Variants in CLIP4 observed in about 807,000 individuals in gnomAD.
The protein encoded by CLIP4 is CAP-Gly domain containing linker protein family member 4.
Under a neutral mutation model 73.1 loss-of-function variants are expected in CLIP4, and 47 were observed. That is an observed-to-expected ratio of 0.64 (90% CI 0.51 to 0.82). The LOEUF (loss-of-function observed/expected upper bound fraction) is 0.82. CLIP4 is among the 40% of genes least tolerant of loss of function. CLIP4 has a pLI of 0.00. For missense variants in CLIP4, 874 were observed against 852.9 expected (o/e 1.02, Z -0.31); for synonymous variants, 306 against 295.4 (o/e 1.04, Z -0.37).
intron 6 of CLIP4, among the ~76,000 whole-genome samples, chr2:29,142,151 C>T (rs1045181592): frequency 6.6e-6 from 1 of 152,064 alleles, no homozygotes. Flanking sequence ...TCTTTTGTTT[C>T]CATGTGTAGA....
chr2:29,111,369 G>A (rs1405968348), upstream of CLIP4, among the ~76,000 whole-genome samples: 1 of 152,202 alleles, frequency 6.6e-6, no homozygotes, highest in Non-Finnish European at 1.5e-5. Flanking sequence ...ACTGGTAGCT[G>A]GAAACTGGCA....
chr2:29,154,858 A>G (rs1572977377), intron 9 of CLIP4, among the ~76,000 whole-genome samples: 1 of 152,124 alleles, frequency 6.6e-6, no homozygotes, highest in African/African-American at 2.4e-5. Context: ...TCAGAACCAC[A>G]GTGCACAGAG....
At chr2:29,121,116 T>G (rs1416472596) in intron 1 of CLIP4, among the ~76,000 whole-genome samples, 1 of 152,172 alleles carries the variant, frequency 6.6e-6, no homozygotes, top group Non-Finnish European at 1.5e-5. Flanking sequence ...TAAAGTGTTT[T>G]CACCTATTTT....
chr2:29,115,129 A>C (rs982781742), upstream of CLIP4: 3 of 152,296 alleles, frequency 2.0e-5, no homozygotes, highest in Non-Finnish European at 4.4e-5. The surrounding 1 kb of genome is among the most constrained non-coding windows in gnomAD (Gnocchi z 5.1). Context: ...GCTCGGCTGG[A>C]CTCTGGGGAG....
chr2:29,132,058 A>T, intron 3 of CLIP4, 94 bp from the exon 4 acceptor site: 2 of 831,102 alleles, frequency 2.4e-6, no homozygotes. Context: ...AGTAATTCAG[A>T]TACGATAGAC....
At position 29,133,594 on chromosome 2, in the gene CLIP4, A is replaced by G. The variant is rs543692505; in HGVS notation, c.368-61A>G. The G allele has an allele frequency of 4.7e-6, 7 of 1,501,750 alleles. No homozygotes were observed. In the African/African-American group the frequency reaches 9.8e-5, roughly 21 times the overall value. 93.0% of individuals were successfully genotyped at this position (1,501,750 alleles called of 1,614,324 possible). ...TGGCTTTTTAAATGAGGCAATTGGT[A>G]GCCATCCATTGGAACTTAAAATTTG... On this transcript the variant is annotated intron_variant, in intron 4 of 15. Coordinates refer to ENST00000320081, the MANE Select transcript of CLIP4 (RefSeq NM_024692.6).
chr2:29,159,682 TTAAAAAAA>T (rs1415224061), intron 11 of CLIP4, among the ~76,000 whole-genome samples: 1 of 78,068 alleles, frequency 1.3e-5, no homozygotes, highest in Admixed American at 1.4e-4. Context: ...CCCTGTTTCT[TTAAAAAAA>T]AAAAAAAAAA....
At chr2:29,169,540 G>A (rs1558579323) in intron 14 of CLIP4, among the ~76,000 whole-genome samples, 1 of 152,090 alleles carries the variant, frequency 6.6e-6, no homozygotes, top group Non-Finnish European at 1.5e-5. Flanking sequence ...CAGCATATGA[G>A]TTTTTGGGGT....
Position 29,133,827 on chromosome 2 carries a change from T to C in CLIP4, c.529+11T>C, listed in dbSNP as rs755295821. On this transcript the variant is annotated intron_variant, in intron 5 of 15. Coordinates refer to ENST00000320081, the MANE Select transcript of CLIP4 (RefSeq NM_024692.6). Reference sequence around the variant, plus strand: ...CATCGAAACCAAAAGGCAAGTATTATAAGATCACCTTTAGATATTATTAAC... The same window carrying C: ...CATCGAAACCAAAAGGCAAGTATTACAAGATCACCTTTAGATATTATTAAC... 3 of 1,590,070 alleles carry C rather than the reference T, an allele frequency of 1.9e-6. No homozygotes were observed. The highest frequency in any genetic ancestry group is 1.7e-6 in the Non-Finnish European group (2 of 1,168,798).
At position 29,182,207 on chromosome 2, in the gene CLIP4, T is replaced by G. The variant is rs1002662535; in HGVS notation, c.*314T>G. The G allele has an allele frequency of 1.0e-5, 2 of 196,332 alleles. No individual in the cohort carries two copies. The highest frequency in any genetic ancestry group is 2.1e-5 in the Non-Finnish European group (2 of 96,922). 12.2% of individuals were successfully genotyped at this position (196,332 alleles called of 1,614,324 possible). Reference sequence around the variant, plus strand: ...CATTTCTTGCTTATTCTGTTTTGTTTTTGCACATCATAATGGATTTTTCTT... The same window carrying G: ...CATTTCTTGCTTATTCTGTTTTGTTGTTGCACATCATAATGGATTTTTCTT... On this transcript the variant is annotated 3_prime_UTR_variant, in exon 16 of 16. Coordinates refer to ENST00000320081, the MANE Select transcript of CLIP4 (RefSeq NM_024692.6).
At chr2:29,149,208 C>T (rs1020870480) in intron 8 of CLIP4, among the ~76,000 whole-genome samples, 3 of 152,092 alleles carry the variant, frequency 2.0e-5, no homozygotes, top group Non-Finnish European at 4.4e-5. Context: ...AGGCAGTAGC[C>T]AGGATATGGC....
intron 8 of CLIP4, among the ~76,000 whole-genome samples, chr2:29,149,891 T>A (rs976332779): frequency 6.6e-6 from 1 of 152,168 alleles, no homozygotes; most frequent in Non-Finnish European, 1.5e-5. Context: ...ATATTTATTA[T>A]TGATAGTGAA....
chr2:29,111,495 C>T (rs1265159433), upstream of CLIP4, among the ~76,000 whole-genome samples: 2 of 152,222 alleles, frequency 1.3e-5, no homozygotes, highest in Non-Finnish European at 2.9e-5. Flanking sequence ...TGGGGTCACA[C>T]TCTTTATATT....
rs1249656219 is a variant in CLIP4, at chr2:29,182,909, T to G, written c.*1016T>G. Reference sequence around the variant, plus strand: ...GCAAATAAAGATATATCAGGAAGGATGTATTAGTTATTTACTTAAATGTTT... The same window carrying G: ...GCAAATAAAGATATATCAGGAAGGAGGTATTAGTTATTTACTTAAATGTTT... On this transcript the variant is annotated 3_prime_UTR_variant, in exon 16 of 16. Coordinates refer to ENST00000320081, the MANE Select transcript of CLIP4 (RefSeq NM_024692.6). 1.0e-4 allele frequency: 16 copies of G among 152,662 alleles called. No homozygotes were observed. Among genetic ancestry groups the G allele is most frequent in the Admixed American group, 1.0e-3 (16 of 15,286 alleles). 9.5% of individuals were successfully genotyped at this position (152,662 alleles called of 1,614,324 possible). A position where few individuals can be genotyped will look rare whatever the true frequency, so the allele number is the denominator to read the frequency against.
At position 29,143,412 on chromosome 2, in the gene CLIP4, T is replaced by TTC. The variant is rs58842734; in HGVS notation, c.649-297_649-296insTC. Among the ~76,000 whole-genome samples, 336 of 145,650 alleles carry TTC rather than the reference T, an allele frequency of 2.3e-3. 2 individuals are homozygous for TTC. The highest frequency in any genetic ancestry group is 8.0e-3 in the African/African-American group (318 of 39,990). The stretch of plus-strand genomic sequence containing the variant: ...ATTCCCCTTCCCTGTTTTTTTTTTT[T>TTC]CCCTCCAGGCCACTTATGACTGTTT... On this transcript the variant is annotated intron_variant, in intron 6 of 15. Coordinates refer to ENST00000320081, the MANE Select transcript of CLIP4 (RefSeq NM_024692.6).
intron 1 of CLIP4, among the ~76,000 whole-genome samples, chr2:29,101,835 A>T (rs1668059093): frequency 6.6e-6 from 1 of 152,108 alleles, no homozygotes; most frequent in South Asian, 2.1e-4. Context: ...CAAGCCAGAT[A>T]CTCTGCACCG....
chr2:29,149,212 A>G (rs1666376381), intron 8 of CLIP4, among the ~76,000 whole-genome samples: 1 of 152,174 alleles, frequency 6.6e-6, no homozygotes, highest in African/African-American at 2.4e-5. Context: ...AGTAGCCAGG[A>G]TATGGCTGTT....
chr2:29,138,236 T>C (rs1331811065), intron 6 of CLIP4, among the ~76,000 whole-genome samples: 2 of 152,144 alleles, frequency 1.3e-5, no homozygotes, highest in African/African-American at 4.8e-5. Flanking sequence ...CTAGCCAGTT[T>C]TCCCAGCACC....
chr2:29,123,181 C>T (rs1036458622), intron 2 of CLIP4, among the ~76,000 whole-genome samples: 6 of 152,172 alleles, frequency 3.9e-5, no homozygotes, highest in African/African-American at 1.4e-4. Context: ...CCTGAAACTC[C>T]TTAGGCTACA....
Sources: gnomAD v4.1 joint callset for allele counts (sites outside exome capture counted in the v4.1 genomes callset) on GRCh38, gnomAD v4.1.1 for gene constraint, Gnocchi (gnomAD v3.1) non-coding constraint, MANE v1.5 for transcripts, NCBI Gene and HGNC (gene_info 2026-07-23, HGNC 2026-07-21) for gene names.